ATAD3B: variants seen among roughly 807,000 people sequenced by gnomAD.
ATAD3B encodes the protein ATPase family AAA domain containing 3B, also known as ATPase family AAA domain-containing protein 3B.
Under a neutral mutation model 70.2 loss-of-function variants are expected in ATAD3B, and 59 were observed. That is an observed-to-expected ratio of 0.84 (90% confidence interval 0.68 to 1.04). The LOEUF (loss-of-function observed/expected upper bound fraction) is 1.04. Among genes scored for constraint, ATAD3B ranks in the 50% least tolerant of loss-of-function variants. ATAD3B has a pLI of 0.00. For synonymous variants in ATAD3B, 423 were observed against 388.6 expected (o/e 1.09, Z -1.04); for missense variants, 961 against 913.4 (o/e 1.05, Z -0.67).
At chr1:1,478,095 G>A (rs757966722) in intron 2 of ATAD3B, 17 of 190,216 alleles carry the variant, frequency 8.9e-5, no homozygotes, top group Non-Finnish European at 1.8e-4. Flanking sequence ...TCCACCTCCC[G>A]GGTTCAACCT....
intron 15 of ATAD3B, among the ~76,000 whole-genome samples, chr1:1,493,876 G>A (rs775664613): frequency 2.0e-5 from 3 of 151,906 alleles, no homozygotes; most frequent in Non-Finnish European, 4.4e-5. Flanking sequence ...ATATTGGCCT[G>A]CCATTTCTCT....
chr1:1,479,712 A>T (rs1464966730), intron 4 of ATAD3B, among the ~76,000 whole-genome samples: 1 of 141,706 alleles, frequency 7.1e-6, no homozygotes, highest in Non-Finnish European at 1.5e-5. Flanking sequence ...TGGGGCATGC[A>T]CGCACCTCCC....
In ATAD3B at chr1:1,478,722, G is replaced by C. The variant is rs773225375; in HGVS notation, c.361G>C (p.Glu121Gln). ...TGAGGAGAGGAGGAAGACCCTGAGC[G>C]AGGAGACCCGGCAGCACCAGGCCGT... The part of the protein sequence containing the change: ...QAEERRKTLS[E>Q]ETRQHQARAQ... Residue 121 changes from glutamate to glutamine, a missense_variant, in exon 3 of 16, where the codon GAG becomes CAG. By Grantham distance (29) the Glu-to-Gln change is conservative. Around this residue, in one of 4 missense-constraint regions of ATAD3B, gnomAD observed 187 missense variants for 244.3 expected, o/e 0.77. Transcript: ENST00000673477. 6.5e-7 allele frequency: 1 copy of C among 1,528,678 alleles called. No homozygotes were observed. Among genetic ancestry groups the C allele is most frequent in the African/African-American group, 1.4e-5 (1 of 69,238 alleles). 94.7% of individuals were successfully genotyped at this position (1,528,678 alleles called of 1,614,324 possible).
At chr1:1,501,320 T>C (rs2100617016), downstream of ATAD3B, among the ~76,000 whole-genome samples, 1 of 151,974 alleles carries the variant, frequency 6.6e-6, no homozygotes, top group South Asian at 2.1e-4. Context: ...AATGGCACGA[T>C]CTCGGCTCAC....
At chr1:1,484,966 G>A (rs1356022150) in intron 7 of ATAD3B, 50 bp from the exon 8 acceptor site, 8 of 1,571,322 alleles carry the variant, frequency 5.1e-6, no homozygotes, top group Non-Finnish European at 6.9e-6. Flanking sequence ...CCTGCTCTAG[G>A]AGGGAGGGAC....
At chr1:1,473,849 G>A (rs867601941) in intron 1 of ATAD3B, among the ~76,000 whole-genome samples, 2 of 152,048 alleles carry the variant, frequency 1.3e-5, no homozygotes, top group Admixed American at 6.6e-5. Context: ...GTGTGAAGCA[G>A]ATATAAACAG....
At chr1:1,498,615 C>T (rs1386613842), downstream of ATAD3B, among the ~76,000 whole-genome samples, 2 of 151,772 alleles carry the variant, frequency 1.3e-5, no homozygotes, top group African/African-American at 4.9e-5. Context: ...TCTTTGTTGC[C>T]TAGGCTGGTC....
In ATAD3B at chr1:1,486,305, G is replaced by A. The variant is rs952062211; in HGVS notation, c.1089+70G>A. ...CTCACCTGCCTGCAGGTGTCTGGGG[G>A]CCTCAGCCGCCTGGGGAATGGACCC... is the stretch of plus-strand genomic sequence containing the variant. On this transcript the variant is annotated intron_variant, in intron 10 of 15. Coordinates refer to ENST00000673477, the MANE Select transcript of ATAD3B (RefSeq NM_031921.6). The A allele has an allele frequency of 7.5e-6, 12 of 1,607,212 alleles. No homozygotes were observed. The African/African-American group carries it at 1.1e-4, about 14-fold the overall frequency.
Position 1,489,508 on chromosome 1 carries a change from G to A in ATAD3B, c.1337+234G>A, listed in dbSNP as rs1006996306. 45 of 981,308 alleles carry A rather than the reference G, an allele frequency of 4.6e-5. 1 individual carries two copies. The highest frequency in any genetic ancestry group is 3.3e-4 in the Middle Eastern group (1 of 3,020). 60.8% of individuals were successfully genotyped at this position (981,308 alleles called of 1,614,324 possible). On this transcript the variant is annotated intron_variant, in intron 13 of 15. Transcript: ENST00000673477. ...CAGTCCTGTCTTCACGGCCCTGTGC[G>A]CCGCCGCCCCAGCTTGCAGGTCCCT...
intron 1 of ATAD3B, among the ~76,000 whole-genome samples, chr1:1,475,200 G>A (rs1353220916): frequency 6.7e-6 from 1 of 149,912 alleles, no homozygotes; most frequent in Non-Finnish European, 1.5e-5. Flanking sequence ...CCCGGGGCAG[G>A]GTCTCCAGGT....
chr1:1,486,097 T>A lies in ATAD3B; in HGVS notation c.964-13T>A. On this transcript the variant is annotated splice_polypyrimidine_tract_variant and intron_variant, in intron 9 of 15. Transcript: ENST00000673477. ...GCAGAGTGTCTCCCCCAAACCCCCGTCTTCCCCGGCAGCCCAGCCTGGAAG... is the reference window on the plus strand; with the variant it reads ...GCAGAGTGTCTCCCCCAAACCCCCGACTTCCCCGGCAGCCCAGCCTGGAAG... 1 of 1,612,842 alleles carries A rather than the reference T, an allele frequency of 6.2e-7. No homozygotes were observed. The highest frequency in any genetic ancestry group is 8.5e-7 in the Non-Finnish European group (1 of 1,179,592).
rs760092033 is a variant in ATAD3B at position 1,480,854 on chromosome 1, G to C, written c.445-13G>C. ...TTTAAAGGCTTTTCTCTTTTTCTGC[G>C]GCTTCTTCTCAGCAACTTCTCAATG... is the stretch of plus-strand genomic sequence containing the variant. On this transcript the variant is annotated splice_polypyrimidine_tract_variant and intron_variant, in intron 4 of 15. Transcript: ENST00000673477. The C allele has an allele frequency of 3.1e-6, 5 of 1,592,650 alleles. 1 individual carries two copies. The highest frequency in any genetic ancestry group is 4.3e-6 in the Non-Finnish European group (5 of 1,171,404).
At chr1:1,500,621 A>G (rs1640922458), downstream of ATAD3B, among the ~76,000 whole-genome samples, 1 of 150,338 alleles carries the variant, frequency 6.7e-6, no homozygotes, top group South Asian at 2.1e-4. Flanking sequence ...ATATATATGT[A>G]TAAATGTATA....
At chr1:1,479,025 C>T (rs1465468609) in intron 3 of ATAD3B, 24 bp from the exon 4 acceptor site, 15 of 1,088,670 alleles carry the variant, frequency 1.4e-5, no homozygotes, top group Non-Finnish European at 1.9e-5. Context: ...TGAGATGTGT[C>T]TTTGCCGCCC....
chr1:1,475,950 C>T (rs2100523601), intron 1 of ATAD3B, among the ~76,000 whole-genome samples: 1 of 150,312 alleles, frequency 6.7e-6, no homozygotes, highest in South Asian at 2.2e-4. Context: ...GAGCTCCTCA[C>T]CGTGACACCC....
At chr1:1,495,380 TCCTGGTGCC>T in intron 15 of ATAD3B, 96 bp from the exon 16 acceptor site, 1 of 1,435,640 alleles carries the variant, frequency 7.0e-7, no homozygotes, top group Non-Finnish European at 9.4e-7. Context: ...CCTGAGGTTG[TCCTGGTGCC>T]CCTGGTTTGG....
At position 1,495,725 on chromosome 1, in the gene ATAD3B, A is replaced by T. The variant is rs199599542; in HGVS notation, c.1855A>T (p.Met619Leu). The T allele has an allele frequency of 3.7e-6, 6 of 1,603,616 alleles. No homozygotes were observed. The South Asian group carries it at 6.6e-5, about 18-fold the overall frequency. The change falls in exon 16 of 16, where the codon ATG (methionine) becomes TTG (leucine). Residue 619 changes from methionine to leucine, a missense_variant. Physicochemically the swap from Met to Leu is conservative, Grantham distance 15. Transcript: ENST00000673477. Reference protein sequence around the residue: ...GPCTFRICSWMGTGLCPGPLS... With the variant: ...GPCTFRICSWLGTGLCPGPLS... ...CTGCACATTTAGGATATGCTCCTGG[A>T]TGGGGACTGGGCTGTGCCCAGGGCC...
At chr1:1,474,403 A>C (rs575070674) in intron 1 of ATAD3B, among the ~76,000 whole-genome samples, 1 of 150,052 alleles carries the variant, frequency 6.7e-6, no homozygotes, top group East Asian at 2.0e-4. Flanking sequence ...TGTTAGCCAG[A>C]ATGGTCTCGA....
intron 15 of ATAD3B, among the ~76,000 whole-genome samples, chr1:1,491,030 G>A (rs776220496): frequency 2.0e-5 from 3 of 151,996 alleles, no homozygotes; most frequent in African/African-American, 7.2e-5. Context: ...GACAGGCCCC[G>A]TGTGAGTTGG....
Sources: gnomAD v4.1 joint callset for allele counts (sites outside exome capture counted in the v4.1 genomes callset) on GRCh38, gnomAD v4.1.1 for gene constraint, gnomAD v4.1.1 regional missense constraint, MANE v1.5 for transcripts, NCBI Gene and HGNC (gene_info 2026-07-23, HGNC 2026-07-21) for gene names.